The following ZNF814 variants were observed in gnomAD, a reference collection of about 807,000 sequenced individuals.
ZNF814 encodes zinc finger protein 814.
In ZNF814, 5 loss-of-function variants were observed where a neutral mutation model predicts 7.5. The observed-to-expected ratio is 0.67, with a 90% CI of 0.35 to 1.40. The LOEUF is 1.40. ZNF814 is among the 40% of genes most tolerant of loss of function. ZNF814 has a pLI of 0.04. For missense variants in ZNF814, 962 were observed against 1,018.0 expected (o/e 0.94, Z 0.75); for synonymous variants, 315 against 340.7 (o/e 0.92, Z 0.83).
chr19:57,878,132 C>T (rs1167923443), intron 1 of ZNF814, among the ~76,000 whole-genome samples: 1 of 146,296 alleles, frequency 6.8e-6, no homozygotes, highest in Non-Finnish European at 1.5e-5. Flanking sequence ...CGCCGTTGCA[C>T]TCTAGCCTGG....
the ZNF814 span, among the ~76,000 whole-genome samples, chr19:57,900,775 T>C: frequency 6.7e-6 from 1 of 150,362 alleles, no homozygotes; most frequent in African/African-American, 2.4e-5. Flanking sequence ...TTTGCAGTTA[T>C]GGGAATCCCA....
At chr19:57,885,983 A>AG (rs1157329066) in intron 1 of ZNF814, 1 of 151,380 alleles carries the variant, frequency 6.6e-6, no homozygotes, top group Non-Finnish European at 1.5e-5. Context: ...CTCAAAAAAA[A>AG]AAAAACAAAA....
rs1449729249 is a variant in ZNF814, at chr19:57,880,583, C to CA, written c.37-3542dup. Among the ~76,000 whole-genome samples the CA allele has an allele frequency of 2.7e-5, 4 of 146,118 alleles. No individual in the cohort carries two copies. In the East Asian group the frequency reaches 8.1e-4, roughly 30 times the overall value. ...TGGCGGAATAGAAAGCTGCACCCAT[C>CA]ATACCCTTAACAGAACACCTTTTTT... On this transcript the variant is annotated intron_variant, in intron 1 of 2. Coordinates refer to ENST00000435989, the MANE Select transcript of ZNF814 (RefSeq NM_001144989.2).
rs1328683672 is a variant in ZNF814, at chr19:57,872,796, T to TA, written c.*25dup. ...TGTGCAATGAGGTGGTCCTTCTTGCTAAAAACTTTCTGACAATCCTCACAC... is the reference window on the plus strand; with the variant it reads ...TGTGCAATGAGGTGGTCCTTCTTGCTAAAAAACTTTCTGACAATCCTCACAC... On this transcript the variant is annotated 3_prime_UTR_variant, in exon 3 of 3. Coordinates refer to ENST00000435989, the MANE Select transcript of ZNF814 (RefSeq NM_001144989.2). 2 of 1,607,312 alleles carry TA rather than the reference T, an allele frequency of 1.2e-6. No homozygotes were observed. Among genetic ancestry groups the TA allele is most frequent in the East Asian group, 4.5e-5 (2 of 44,758 alleles).
At chr19:57,902,735 ACTGCACG>A in the ZNF814 span, among the ~76,000 whole-genome samples, 1 of 150,780 alleles carries the variant, frequency 6.6e-6, no homozygotes, top group Non-Finnish European at 1.5e-5. Flanking sequence ...ATCTAGGCCC[ACTGCACG>A]CTCTGCCTCC....
At position 57,869,918 on chromosome 19, in the gene ZNF814, C is replaced by G. The variant is rs1304743642; in HGVS notation, c.*2904G>C. 4 of 141,946 alleles carry G rather than the reference C, an allele frequency of 2.8e-5. No homozygotes were observed. Among genetic ancestry groups the G allele is most frequent in the Non-Finnish European group, 6.0e-5 (4 of 66,988 alleles). 8.8% of individuals were successfully genotyped at this position (141,946 alleles called of 1,614,324 possible). A position where few individuals can be genotyped will look rare whatever the true frequency, so the allele number is the denominator to read the frequency against. On this transcript the variant is annotated 3_prime_UTR_variant, in exon 3 of 3. Coordinates refer to ENST00000435989, the MANE Select transcript of ZNF814 (RefSeq NM_001144989.2). The stretch of plus-strand genomic sequence containing the variant: ...CAAGGTCATGCCACTGCACTCCAGC[C>G]TGGCTGACAGTGAGACTCTGTCTCA...
the ZNF814 span, among the ~76,000 whole-genome samples, chr19:57,899,501 T>G: frequency 1.3e-5 from 2 of 152,242 alleles, no homozygotes; most frequent in African/African-American, 4.8e-5. Flanking sequence ...TTAAAAACTT[T>G]AAATGACTTT....
At chr19:57,878,049 C>T (rs976595932) in intron 1 of ZNF814, among the ~76,000 whole-genome samples, 1 of 151,424 alleles carries the variant, frequency 6.6e-6, no homozygotes, top group Non-Finnish European at 1.5e-5. Context: ...GCCTGTGATC[C>T]CAGCTACTTG....
the ZNF814 span, among the ~76,000 whole-genome samples, chr19:57,895,057 G>A: frequency 1.3e-5 from 2 of 152,050 alleles, no homozygotes; most frequent in African/African-American, 4.8e-5. Flanking sequence ...CAGTGAAGCA[G>A]AGCAACCAAG....
At chr19:57,900,984 C>G in the ZNF814 span, among the ~76,000 whole-genome samples, 1 of 151,410 alleles carries the variant, frequency 6.6e-6, no homozygotes, top group African/African-American at 2.4e-5. Flanking sequence ...GTAGCTGGGA[C>G]TACAGGCACC....
Position 57,888,865 on chromosome 19 carries a change from G to C in ZNF814, c.-63C>G, listed in dbSNP as rs539254683. 3 of 1,531,818 alleles carry C rather than the reference G, an allele frequency of 2.0e-6. No individual in the cohort carries two copies. The highest frequency in any genetic ancestry group is 2.7e-6 in the Non-Finnish European group (3 of 1,129,486). 94.9% of individuals were successfully genotyped at this position (1,531,818 alleles called of 1,614,324 possible). ...GCGACCAGCCAGGAGATATGGGCACGACGGTCCGTATCCTGGCCCAGGAGT... is the reference window on the plus strand; with the variant it reads ...GCGACCAGCCAGGAGATATGGGCACCACGGTCCGTATCCTGGCCCAGGAGT... On this transcript the variant is annotated 5_prime_UTR_variant, in exon 1 of 3. Coordinates refer to ENST00000435989, the MANE Select transcript of ZNF814 (RefSeq NM_001144989.2).
rs557019677 is a variant in ZNF814 at position 57,869,456 on chromosome 19, G to A, written c.*3366C>T. ...GGAAAGTACTCTACTGTACAGCAAA[G>A]TAAATCATTGGTTGTCTGGAGAACA... On this transcript the variant is annotated 3_prime_UTR_variant, in exon 3 of 3. Transcript: ENST00000435989. 6.6e-6 allele frequency: 1 copy of A among 152,086 alleles called. No homozygotes were observed. Among genetic ancestry groups the A allele is most frequent in the East Asian group, 1.9e-4 (1 of 5,170 alleles). 9.4% of individuals were successfully genotyped at this position (152,086 alleles called of 1,614,324 possible).
At chr19:57,901,189 A>G in the ZNF814 span, among the ~76,000 whole-genome samples, 2 of 152,176 alleles carry the variant, frequency 1.3e-5, no homozygotes, top group African/African-American at 2.4e-5. Flanking sequence ...CAAGTATTCC[A>G]TATAACTCAC....
In ZNF814 at chr19:57,874,971, T is replaced by C; in HGVS notation, c.419A>G (p.Asn140Ser). The C allele has an allele frequency of 1.9e-6, 3 of 1,612,800 alleles. No individual in the cohort carries two copies. Among genetic ancestry groups the C allele is most frequent in the Non-Finnish European group, 2.5e-6 (3 of 1,178,996 alleles). Reference protein sequence around the residue: ...YDSGNFHQHQNEHIGEKPYRG... With the variant: ...YDSGNFHQHQSEHIGEKPYRG... ...GTAGGGTTTCTCTCCAATGTGCTCA[T>C]TCTGGTGCTGATGAAAGTTTCCACT... Residue 140 changes from asparagine to serine, a missense_variant, in exon 3 of 3, where the codon AAT becomes AGT. This residue lies in a region of ZNF814 where 65 missense variants were observed against 131.3 expected (regional missense o/e 0.50). Coordinates refer to ENST00000435989, the MANE Select transcript of ZNF814 (RefSeq NM_001144989.2).
upstream of ZNF814, among the ~76,000 whole-genome samples, chr19:57,890,338 T>G (rs1271667091): frequency 3.3e-5 from 5 of 152,186 alleles, no homozygotes; most frequent in East Asian, 5.8e-4. Context: ...ACTGGGGTTT[T>G]TTGTTGTTGT....
chr19:57,899,582 T>G, the ZNF814 span, among the ~76,000 whole-genome samples: 6 of 152,222 alleles, frequency 3.9e-5, no homozygotes, highest in Admixed American at 2.6e-4. Context: ...ATGTCTCACC[T>G]TTTTTCTGCC....
intron 1 of ZNF814, among the ~76,000 whole-genome samples, chr19:57,878,667 C>G (rs1269387350): frequency 6.6e-6 from 1 of 152,082 alleles, no homozygotes; most frequent in Admixed American, 6.5e-5. Flanking sequence ...CCATATTGGG[C>G]AGGCTGCTTT....
rs904778714 is a variant in ZNF814, at chr19:57,870,757, A to C, written c.*2065T>G. 2.0e-5 allele frequency: 3 copies of C among 152,158 alleles called. No individual in the cohort carries two copies. Among genetic ancestry groups the C allele is most frequent in the African/African-American group, 7.2e-5 (3 of 41,432 alleles). 9.4% of individuals were successfully genotyped at this position (152,158 alleles called of 1,614,324 possible). A position where few individuals can be genotyped will look rare whatever the true frequency, so the allele number is the denominator to read the frequency against. ...AGGACTTTGGGAGGCTGAGGCCAGC[A>C]GATCACAAGGTCAGGAGTTCGAGAC... On this transcript the variant is annotated 3_prime_UTR_variant, in exon 3 of 3. Transcript: ENST00000435989.
the ZNF814 span, among the ~76,000 whole-genome samples, chr19:57,903,332 A>C: frequency 1.3e-5 from 2 of 152,238 alleles, no homozygotes; most frequent in African/African-American, 4.8e-5. Context: ...GAATTCTATG[A>C]AATTATGGAG....
Sources: allele counts gnomAD v4.1 joint callset (sites outside exome capture counted in the v4.1 genomes callset), GRCh38; gene constraint gnomAD v4.1.1; regional missense constraint gnomAD v4.1.1; transcripts MANE v1.5; gene names NCBI Gene and HGNC (gene_info 2026-07-23, HGNC 2026-07-21).